POLD3: variants seen among roughly 807,000 people sequenced by gnomAD.
POLD3 encodes the protein DNA polymerase delta 3, accessory subunit.
POLD3 carries 19 observed loss-of-function variants against 58.2 expected under a neutral mutation model. That is an observed-to-expected ratio of 0.33 (90% CI 0.23 to 0.48). POLD3 has a LOEUF of 0.48. Among genes scored for constraint, POLD3 ranks in the 20% least tolerant of loss-of-function variants. POLD3 has a pLI of 0.99. For missense variants in POLD3, 504 were observed against 545.5 expected (o/e 0.92, Z 0.76); for synonymous variants, 172 against 193.5 (o/e 0.89, Z 0.92).
At chr11:74,655,220 GC>G (rs1217210067) in intron 4 of POLD3, among the ~76,000 whole-genome samples, 2 of 152,240 alleles carry the variant, frequency 1.3e-5, no homozygotes, top group Non-Finnish European at 2.9e-5. Context: ...TGACCACTAA[GC>G]AACACTGACA....
chr11:74,629,008 C>T (rs1591312132), intron 8 of POLD3: 1 of 383,694 alleles, frequency 2.6e-6, no homozygotes, highest in East Asian at 4.1e-5. Context: ...AACTCTAGAA[C>T]TTTTTTATTC....
rs921598172 is a variant in POLD3 at position 74,608,891 on chromosome 11, G to A, written c.220-2608G>A. On this transcript the variant is annotated intron_variant, in intron 3 of 11. Coordinates refer to ENST00000263681, the MANE Select transcript of POLD3 (RefSeq NM_006591.3). The stretch of plus-strand genomic sequence containing the variant: ...ACCAATGAAAATGACATTTTTAGGA[G>A]TGCCAGTTTTAAGAGAAAATGCATT... 2.6e-5 allele frequency among the ~76,000 whole-genome samples: 4 copies of A among 152,256 alleles called. No individual in the cohort carries two copies. In the East Asian group the frequency reaches 5.8e-4, roughly 22 times the overall value.
intron 3 of POLD3, among the ~76,000 whole-genome samples, chr11:74,607,612 C>T (rs2135129962): frequency 6.6e-6 from 1 of 151,712 alleles, no homozygotes; most frequent in African/African-American, 2.4e-5. Flanking sequence ...GACAGGGTCT[C>T]ACTTTGTCAT....
At chr11:74,649,298 G>A (rs576636021) in intron 4 of POLD3, among the ~76,000 whole-genome samples, 1 of 152,168 alleles carries the variant, frequency 6.6e-6, no homozygotes, top group South Asian at 2.1e-4. Flanking sequence ...AACTTTGTGA[G>A]GTGTAGGTAT....
At chr11:74,662,338 C>T (rs183685501) in intron 4 of POLD3, among the ~76,000 whole-genome samples, 133 of 151,758 alleles carry the variant, frequency 8.8e-4, no homozygotes, top group African/African-American at 2.9e-3. Context: ...AGGCCCATGG[C>T]GTACTACCTG....
rs745932485 is a variant in POLD3 at position 74,640,558 on chromosome 11, T to C, written c.1199-6T>C. The C allele has an allele frequency of 6.6e-7, 1 of 1,506,368 alleles. No homozygotes were observed. The highest frequency in any genetic ancestry group is 2.3e-5 in the Admixed American group (1 of 43,940). The allele number at this position is 1,506,368 out of a possible 1,614,324, so 93.3% of individuals were successfully genotyped here. ...CCCATGTTCCATTTTTTTCTCATCC[T>C]ACCAGTGACTGAAAAAGTCTACGAG... On this transcript the variant is annotated splice_region_variant and splice_polypyrimidine_tract_variant and intron_variant, in intron 11 of 11. Coordinates refer to ENST00000263681, the MANE Select transcript of POLD3 (RefSeq NM_006591.3).
chr11:74,664,462 C>G (rs1013720288), intron 4 of POLD3, among the ~76,000 whole-genome samples: 1 of 152,128 alleles, frequency 6.6e-6, no homozygotes, highest in Admixed American at 6.5e-5. Context: ...CTACCAAACA[C>G]TTAGAGAAGA....
At chr11:74,640,478 T>C in intron 11 of POLD3, 86 bp from the exon 12 acceptor site, 1 of 1,429,510 alleles carries the variant, frequency 7.0e-7, no homozygotes, top group Admixed American at 2.6e-5. Flanking sequence ...GAGTCTGAAA[T>C]GATTGGGGTT....
chr11:74,639,570 C>T (rs1017228120), intron 11 of POLD3, among the ~76,000 whole-genome samples: 6 of 152,250 alleles, frequency 3.9e-5, no homozygotes, highest in Admixed American at 3.9e-4. Context: ...ATTGGTTATA[C>T]AGCTGCCACA....
At chr11:74,592,989 A>C in intron 1 of POLD3, 2 of 1,343,310 alleles carry the variant, frequency 1.5e-6, no homozygotes, top group Non-Finnish European at 1.9e-6. Context: ...GCGCGGAGGG[A>C]GGGCCGTTGG....
At chr11:74,643,834 T>C (rs1438551194), downstream of POLD3, among the ~76,000 whole-genome samples, 1 of 152,232 alleles carries the variant, frequency 6.6e-6, no homozygotes, top group Non-Finnish European at 1.5e-5. Context: ...TGATAGTATT[T>C]CTACCCTTGC....
chr11:74,643,826 A>G (rs183870208), downstream of POLD3, among the ~76,000 whole-genome samples: 348 of 152,330 alleles, frequency 2.3e-3, 2 homozygotes, highest in Non-Finnish European at 3.6e-3. Context: ...TGTATCCATG[A>G]TAGTATTTCT....
chr11:74,667,548 ATGTCATG>A (rs1565137695), intron 4 of POLD3, among the ~76,000 whole-genome samples: 5 of 151,776 alleles, frequency 3.3e-5, no homozygotes, highest in African/African-American at 9.7e-5. Flanking sequence ...GGTAAATTTT[ATGTCATG>A]AATATTTTAC....
chr11:74,603,591 T>C (rs912544666), intron 2 of POLD3, among the ~76,000 whole-genome samples: 8 of 151,874 alleles, frequency 5.3e-5, no homozygotes, highest in Non-Finnish European at 1.0e-4. Flanking sequence ...CTCTAATACA[T>C]AGAGTGAAAA....
chr11:74,649,956 C>T (rs1337785586), intron 4 of POLD3, among the ~76,000 whole-genome samples: 2 of 152,194 alleles, frequency 1.3e-5, no homozygotes, highest in Non-Finnish European at 2.9e-5. Flanking sequence ...ACTTTAGAGT[C>T]AGGCAAACTG....
At chr11:74,616,903 A>G (rs1456114062) in intron 5 of POLD3, among the ~76,000 whole-genome samples, 2 of 152,144 alleles carry the variant, frequency 1.3e-5, no homozygotes, top group African/African-American at 4.8e-5. Flanking sequence ...GTTGAAGGTG[A>G]TACACTAAAG....
chr11:74,618,726 A>G lies in POLD3; in HGVS notation c.582A>G (p.Gly194=). The G allele has an allele frequency of 2.5e-6, 4 of 1,614,178 alleles. No individual in the cohort carries two copies. The East Asian group carries it at 8.9e-5, about 36-fold the overall frequency. ...CCCAGCAGCCCAAAGGAATTATGGGAATGTTTGCCTCCAAAGCTGCTGCTA... is the reference window on the plus strand; with the variant it reads ...CCCAGCAGCCCAAAGGAATTATGGGGATGTTTGCCTCCAAAGCTGCTGCTA... The part of the protein sequence containing the change: ...QVSQQPKGIM[G]MFASKAAAKT... The change falls in exon 6 of 12, where the codon GGA becomes GGG. Residue 194 remains glycine, a synonymous_variant. Coordinates refer to ENST00000263681, the MANE Select transcript of POLD3 (RefSeq NM_006591.3).
intron 4 of POLD3, among the ~76,000 whole-genome samples, chr11:74,657,175 A>G (rs1300037739): frequency 1.3e-5 from 2 of 150,694 alleles, no homozygotes; most frequent in Non-Finnish European, 3.0e-5. Flanking sequence ...GTCTTTATAG[A>G]TGAAATATGT....
In POLD3 at chr11:74,634,645, C is replaced by T; in HGVS notation, c.1069C>T (p.Pro357Ser). ...ESPSPPPPPSPPLEPVPKTEP... is the reference protein window; with the variant it reads ...ESPSPPPPPSSPLEPVPKTEP... The stretch of plus-strand genomic sequence containing the variant: ...ACCATCCCCACCTCCTCCTCCGTCT[C>T]CACCTCTTGAACCAGTGCCAAAGAC... Residue 357 changes from proline (P) to serine (S), a missense_variant, in exon 10 of 12, where the codon CCA (proline) becomes TCA (serine). Pro to Ser is a moderately conservative substitution (Grantham distance 74, BLOSUM62 -1). Transcript: ENST00000263681. 6.2e-7 allele frequency: 1 copy of T among 1,613,436 alleles called. No homozygotes were observed. The highest frequency in any genetic ancestry group is 8.5e-7 in the Non-Finnish European group (1 of 1,179,388).
Sources: gnomAD v4.1 joint callset for allele counts (sites outside exome capture counted in the v4.1 genomes callset) on GRCh38, gnomAD v4.1.1 for gene constraint, MANE v1.5 for transcripts, NCBI Gene and HGNC (gene_info 2026-07-23, HGNC 2026-07-21) for gene names.